DPP10: variants seen among roughly 807,000 people sequenced by gnomAD.
The protein encoded by DPP10 is dipeptidyl peptidase like 10.
In DPP10, 33 loss-of-function variants were observed where a neutral mutation model predicts 120.9. That is an observed-to-expected ratio of 0.27 (90% CI 0.21 to 0.37). The LOEUF is 0.37. DPP10 is among the 10% of genes least tolerant of loss of function. The probability of loss-of-function intolerance (pLI) is 1.00; values close to 1 mark genes in which losing one functional copy is unlikely to be tolerated. For synonymous variants in DPP10, 337 were observed against 326.1 expected (o/e 1.03, Z -0.36); for missense variants, 816 against 942.8 (o/e 0.87, Z 1.76).
intron 1 of DPP10, among the ~76,000 whole-genome samples, chr2:114,506,803 G>A (rs1683702691): frequency 6.6e-6 from 1 of 152,182 alleles, no homozygotes; most frequent in South Asian, 2.1e-4. Context: ...GAAGTATCAT[G>A]CTTCACAAAG....
chr2:115,292,203 T>A (rs1281853831), intron 1 of DPP10, among the ~76,000 whole-genome samples: 1 of 152,150 alleles, frequency 6.6e-6, no homozygotes, highest in Non-Finnish European at 1.5e-5. Context: ...TAGGAATGAA[T>A]CCCTTCAGTA....
At chr2:115,104,247 C>T (rs558865004) in intron 1 of DPP10, among the ~76,000 whole-genome samples, 2 of 142,714 alleles carry the variant, frequency 1.4e-5, no homozygotes, top group African/African-American at 5.4e-5. Flanking sequence ...GTGGCATGAC[C>T]ATAGCTCACT....
At chr2:115,465,262 A>C (rs1466505569) in intron 3 of DPP10, among the ~76,000 whole-genome samples, 3 of 152,128 alleles carry the variant, frequency 2.0e-5, no homozygotes, top group Non-Finnish European at 4.4e-5. Context: ...TTTCTTTTAA[A>C]ACACACGGTT....
intron 5 of DPP10, among the ~76,000 whole-genome samples, chr2:115,537,562 T>TG (rs1284427319): frequency 1.3e-5 from 1 of 76,046 alleles, no homozygotes; most frequent in East Asian, 3.2e-4. Context: ...GACACATCAC[T>TG]GTTTTTTTTT....
intron 1 of DPP10, among the ~76,000 whole-genome samples, chr2:115,209,425 C>T (rs2056364874): frequency 6.6e-6 from 1 of 152,100 alleles, no homozygotes; most frequent in African/African-American, 2.4e-5. Context: ...TATGCACAAA[C>T]ATACATACAC....
intron 1 of DPP10, among the ~76,000 whole-genome samples, chr2:114,571,594 A>C (rs1689652506): frequency 6.6e-6 from 1 of 152,076 alleles, no homozygotes; most frequent in African/African-American, 2.4e-5. Context: ...CCACCGCTAA[A>C]ACTTATGGAG....
intron 1 of DPP10, among the ~76,000 whole-genome samples, chr2:115,037,618 C>A (rs1704320231): frequency 6.6e-6 from 1 of 152,164 alleles, no homozygotes; most frequent in Non-Finnish European, 1.5e-5. Flanking sequence ...AATGCAGGCA[C>A]CTGGATTGAC....
Position 114,986,553 on chromosome 2 carries a change from C to T in DPP10, c.61-322686C>T, listed in dbSNP as rs190363141. ...TTCAAGAGGGTGATCATGATTTTAACTGCCACTACCAATCAAATCTGAAGG... is the reference window on the plus strand; with the variant it reads ...TTCAAGAGGGTGATCATGATTTTAATTGCCACTACCAATCAAATCTGAAGG... On this transcript the variant is annotated intron_variant, in intron 1 of 25. Transcript: ENST00000410059. Among the ~76,000 whole-genome samples the T allele has an allele frequency of 2.4e-4, 36 of 152,230 alleles. 1 individual carries two copies. The East Asian group carries it at 7.0e-3, about 29-fold the overall frequency.
chr2:114,714,208 A>C (rs1293811851), intron 1 of DPP10, among the ~76,000 whole-genome samples: 1 of 151,902 alleles, frequency 6.6e-6, no homozygotes, highest in Non-Finnish European at 1.5e-5. Flanking sequence ...CATGAAATCT[A>C]TGAACATGAC....
intron 3 of DPP10, among the ~76,000 whole-genome samples, chr2:115,380,985 A>G (rs536119769): frequency 1.3e-5 from 2 of 151,700 alleles, no homozygotes; most frequent in South Asian, 2.1e-4. Context: ...TGCCCTTAAC[A>G]TTTTTTCCTT....
At chr2:115,091,809 G>A (rs934295940) in intron 1 of DPP10, among the ~76,000 whole-genome samples, 1 of 152,142 alleles carries the variant, frequency 6.6e-6, no homozygotes, top group Non-Finnish European at 1.5e-5. Flanking sequence ...TAGCCCACCT[G>A]CCTCTGCATT....
chr2:115,247,244 T>G (rs1452373332), intron 1 of DPP10, among the ~76,000 whole-genome samples: 1 of 152,042 alleles, frequency 6.6e-6, no homozygotes, highest in South Asian at 2.1e-4. Context: ...TTTTTACAGT[T>G]GGTGAGGTGC....
chr2:114,484,771 A>T (rs556889170), intron 1 of DPP10, among the ~76,000 whole-genome samples: 49 of 152,284 alleles, frequency 3.2e-4, no homozygotes, highest in Non-Finnish European at 6.6e-4. Context: ...ACATATATAC[A>T]ATCATATAAT....
At chr2:114,557,214 G>A (rs1688397951) in intron 1 of DPP10, among the ~76,000 whole-genome samples, 1 of 152,110 alleles carries the variant, frequency 6.6e-6, no homozygotes, top group Non-Finnish European at 1.5e-5. Flanking sequence ...GAACGAGAGT[G>A]GGGAAGACTC....
chr2:114,754,143 CT>C (rs1339331234), intron 1 of DPP10, among the ~76,000 whole-genome samples: 1 of 152,040 alleles, frequency 6.6e-6, no homozygotes, highest in Non-Finnish European at 1.5e-5. Context: ...AAATCTGTGG[CT>C]TTGGTTGGCT....
intron 1 of DPP10, among the ~76,000 whole-genome samples, chr2:115,252,221 A>G (rs925746701): frequency 6.6e-6 from 1 of 152,188 alleles, no homozygotes; most frequent in Admixed American, 6.5e-5. Context: ...GACTAATTCT[A>G]ATTTGTTCAA....
At chr2:115,063,248 C>G (rs776427002) in intron 1 of DPP10, among the ~76,000 whole-genome samples, 1 of 151,912 alleles carries the variant, frequency 6.6e-6, no homozygotes, top group African/African-American at 2.4e-5. Context: ...GTTTTTTCCT[C>G]GTAAATTTGT....
At chr2:114,633,175 T>C (rs1695062843) in intron 1 of DPP10, among the ~76,000 whole-genome samples, 1 of 129,842 alleles carries the variant, frequency 7.7e-6, no homozygotes, top group Admixed American at 7.2e-5. Context: ...TTTGCATTGA[T>C]ATTTTCATTA....
chr2:114,729,950 A>G (rs771270479), intron 1 of DPP10, among the ~76,000 whole-genome samples: 9 of 152,238 alleles, frequency 5.9e-5, no homozygotes, highest in Non-Finnish European at 1.3e-4. Context: ...CCCACAACAT[A>G]TTGAATTTCT....
Sources: gnomAD v4.1 joint callset for allele counts (sites outside exome capture counted in the v4.1 genomes callset) on GRCh38, gnomAD v4.1.1 for gene constraint, MANE v1.5 for transcripts, NCBI Gene and HGNC (gene_info 2026-07-23, HGNC 2026-07-21) for gene names.